FAM186B: variants seen among roughly 807,000 people sequenced by gnomAD.
FAM186B encodes the protein family with sequence similarity 186 member B, also known as protein FAM186B.
FAM186B carries 68 observed loss-of-function variants against 83.4 expected under a neutral mutation model. That is an observed-to-expected ratio of 0.81 (90% CI 0.67 to 1.00). The LOEUF (loss-of-function observed/expected upper bound fraction) is 1.00, where lower values mean the gene tolerates loss of function less well. FAM186B is among the 50% of genes least tolerant of loss of function. The pLI is 0.00. For missense variants in FAM186B, 983 were observed against 1,099.2 expected, an observed-to-expected ratio of 0.89 and a Z score of 1.49; for synonymous variants, 389 against 422.0, an observed-to-expected ratio of 0.92 and a Z score of 0.96.
the FAM186B span, among the ~76,000 whole-genome samples, chr12:49,610,937 G>C: frequency 1.3e-5 from 2 of 151,970 alleles, no homozygotes; most frequent in African/African-American, 4.8e-5. Context: ...ATATAAAAAA[G>C]GTAATTTTTA....
In FAM186B at chr12:49,600,036, AC is replaced by A. The variant is rs371185924; in HGVS notation, c.1603del (p.Val535SerfsTer3). ...DLAREQQRRW[V>X]QLEKEQESPR... ...GCTCTCCTGCTCCTTTTCTAGCTGG[AC>A]CCATCTCCGCTGTTGCTCCCTGGCC... On this transcript the variant is annotated frameshift_variant, in exon 4 of 7. Transcript: ENST00000257894. LOFTEE classifies it high-confidence loss of function. This position sits in a 1 kb window ranked among gnomAD's most constrained non-coding sequence, Gnocchi z 4.3. 3.2e-4 allele frequency: 522 copies of A among 1,606,594 alleles called. 9 individuals carry two copies. In the East Asian group the frequency reaches 7.2e-3, roughly 22 times the overall value.
chr12:49,619,268 G>A, the FAM186B span: 2 of 253,420 alleles, frequency 7.9e-6, no homozygotes, highest in Non-Finnish European at 1.5e-5. Flanking sequence ...GCACAGGTGG[G>A]GATCAGAAGC....
intron 5 of FAM186B, among the ~76,000 whole-genome samples, chr12:49,592,488 A>AAAATAAC (rs1208064158): frequency 6.6e-6 from 1 of 150,814 alleles, no homozygotes; most frequent in Admixed American, 6.6e-5. Flanking sequence ...TAATAATAAT[A>AAAATAAC]AAATAACAAA....
chr12:49,589,244 C>T (rs1388488794), intron 5 of FAM186B, among the ~76,000 whole-genome samples: 2 of 152,182 alleles, frequency 1.3e-5, no homozygotes, highest in Non-Finnish European at 2.9e-5. Flanking sequence ...ACTCAAGACT[C>T]GGGGGCAGGT....
chr12:49,584,352 AAGTTCT>A, downstream of FAM186B: 3 of 600,150 alleles, frequency 5.0e-6, no homozygotes, highest in Non-Finnish European at 8.9e-6. Context: ...GTGTTTCTCA[AAGTTCT>A]AGGAGTACTC....
In FAM186B at chr12:49,600,142, A is replaced by C; in HGVS notation, c.1498T>G (p.Trp500Gly). Residue 500 changes from tryptophan to glycine, a missense_variant, in exon 4 of 7, where the codon TGG becomes GGG. Trp to Gly is a radical substitution (Grantham distance 184, BLOSUM62 -2). Transcript: ENST00000257894. The surrounding 1 kb of genome is among the most constrained non-coding windows in gnomAD (Gnocchi z 4.3). ...GCCCACTTCTTCTGCCGCTGCTGCCACATCTCCTCCTCCTCCAGCCACAGC... is the reference window on the plus strand; with the variant it reads ...GCCCACTTCTTCTGCCGCTGCTGCCCCATCTCCTCCTCCTCCAGCCACAGC... ...RQLWLEEEEMWQQRQKKWALL... is the reference protein window; with the variant it reads ...RQLWLEEEEMGQQRQKKWALL... 6.2e-7 allele frequency: 1 copy of C among 1,613,704 alleles called. No homozygotes were observed. The highest frequency in any genetic ancestry group is 8.5e-7 in the Non-Finnish European group (1 of 1,179,798).
At chr12:49,588,175 A>C (rs1939492794) in intron 6 of FAM186B, among the ~76,000 whole-genome samples, 1 of 152,224 alleles carries the variant, frequency 6.6e-6, no homozygotes, top group Non-Finnish European at 1.5e-5. Context: ...AAAGGTTATA[A>C]GTTTTCAGGT....
At chr12:49,589,978 CAAA>C (rs57724815) in intron 5 of FAM186B, among the ~76,000 whole-genome samples, 3 of 60,708 alleles carry the variant, frequency 4.9e-5, no homozygotes, top group Non-Finnish European at 9.7e-5. Flanking sequence ...ACTCTGTCTC[CAAA>C]AAAAAAAAAA....
At chr12:49,611,438 C>A in the FAM186B span, among the ~76,000 whole-genome samples, 1 of 151,172 alleles carries the variant, frequency 6.6e-6, no homozygotes, top group East Asian at 2.0e-4. Context: ...CCTGTAGTCC[C>A]AGCTATTCAG....
At chr12:49,590,206 G>A (rs1216551473) in intron 5 of FAM186B, among the ~76,000 whole-genome samples, 1 of 151,782 alleles carries the variant, frequency 6.6e-6, no homozygotes, top group African/African-American at 2.4e-5. Context: ...ATCCCTCAGT[G>A]GTGTATGGCC....
chr12:49,612,520 G>A, the FAM186B span, among the ~76,000 whole-genome samples: 4 of 151,316 alleles, frequency 2.6e-5, no homozygotes, highest in Non-Finnish European at 5.9e-5. Flanking sequence ...AACATTATGA[G>A]GTTTTTTTAT....
chr12:49,584,549 T>C, downstream of FAM186B: 1 of 702,388 alleles, frequency 1.4e-6, no homozygotes, highest in South Asian at 1.5e-5. Context: ...GCTTGACTTT[T>C]TTTGAACAAG....
the FAM186B span, among the ~76,000 whole-genome samples, chr12:49,615,590 A>T: frequency 1.3e-5 from 2 of 152,304 alleles, no homozygotes; most frequent in Non-Finnish European, 2.9e-5. Flanking sequence ...GGAGTTTGAG[A>T]CCAGCCTGAC....
chr12:49,615,647 G>A, the FAM186B span, among the ~76,000 whole-genome samples: 1 of 152,098 alleles, frequency 6.6e-6, no homozygotes, highest in Non-Finnish European at 1.5e-5. Context: ...AAATTAGCCG[G>A]GTGTGGTGGC....
chr12:49,619,965 C>A, the FAM186B span, among the ~76,000 whole-genome samples: 1 of 152,010 alleles, frequency 6.6e-6, no homozygotes, highest in Non-Finnish European at 1.5e-5. Context: ...CAGGCATGAG[C>A]CACCGCGTCC....
chr12:49,583,018 A>G, downstream of FAM186B: 1 of 456,162 alleles, frequency 2.2e-6, no homozygotes. Context: ...CATGCTTGCC[A>G]GAGAGCTCGC....
chr12:49,614,486 C>G, the FAM186B span, among the ~76,000 whole-genome samples: 45 of 152,170 alleles, frequency 3.0e-4, no homozygotes, highest in African/African-American at 1.1e-3. Flanking sequence ...AATAGAAAAC[C>G]AAATACCACG....
chr12:49,590,997 C>T (rs1273642854), intron 5 of FAM186B, among the ~76,000 whole-genome samples: 1 of 152,046 alleles, frequency 6.6e-6, no homozygotes, highest in Admixed American at 6.6e-5. Context: ...TTACTATTCT[C>T]CTGTAAACAA....
Position 49,605,491 on chromosome 12 carries a change from G to T in FAM186B, c.-14C>A. 2 of 1,610,706 alleles carry T rather than the reference G, an allele frequency of 1.2e-6. No homozygotes were observed. Among genetic ancestry groups the T allele is most frequent in the Non-Finnish European group, 1.7e-6 (2 of 1,178,426 alleles). ...ATCCTTCTCCATTTTGGATCACTCT[G>T]TCAGTCACAAAACATCCTGTGTTTC... On this transcript the variant is annotated 5_prime_UTR_variant, in exon 1 of 7. Coordinates refer to ENST00000257894, the MANE Select transcript of FAM186B (RefSeq NM_032130.3).
Sources: gnomAD v4.1 joint callset for allele counts (sites outside exome capture counted in the v4.1 genomes callset) on GRCh38, gnomAD v4.1.1 for gene constraint, Gnocchi (gnomAD v3.1) non-coding constraint, MANE v1.5 for transcripts, NCBI Gene and HGNC (gene_info 2026-07-23, HGNC 2026-07-21) for gene names.